RRM2: variants seen among roughly 807,000 people sequenced by gnomAD.
The protein encoded by RRM2 is ribonucleoside-diphosphate reductase subunit M2.
Under a neutral mutation model 45.9 loss-of-function variants are expected in RRM2, and 6 were observed. The observed-to-expected ratio is 0.13, with a 90% CI of 0.07 to 0.26. The LOEUF is 0.26. Ranked by LOEUF, RRM2 falls within the 10% of genes least tolerant of loss-of-function variation. The pLI is 1.00. For synonymous variants in RRM2, 177 were observed against 173.0 expected (o/e 1.02, Z -0.18); for missense variants, 343 against 489.5 (o/e 0.70, Z 2.82).
chr2:10,125,239 A>G (rs1251695302), intron 5 of RRM2, among the ~76,000 whole-genome samples: 2 of 152,224 alleles, frequency 1.3e-5, no homozygotes, highest in Admixed American at 6.5e-5. Flanking sequence ...GCAGTATAGT[A>G]TAGGCAAATA....
intron 3 of RRM2, among the ~76,000 whole-genome samples, chr2:10,149,652 C>T (rs1386426288): frequency 6.6e-6 from 1 of 152,182 alleles, no homozygotes; most frequent in Non-Finnish European, 1.5e-5. Flanking sequence ...TTTTCTTCAA[C>T]CATCTATTTG....
At chr2:10,125,626 G>A (rs11688552) in intron 5 of RRM2, among the ~76,000 whole-genome samples, 7,267 of 152,122 alleles carry the variant, frequency 0.048, 588 homozygotes, top group African/African-American at 0.17. Flanking sequence ...CCCGGGAGGC[G>A]GAGCTTGCGC....
intron 4 of RRM2, among the ~76,000 whole-genome samples, chr2:10,124,507 C>T (rs561698013): frequency 6.6e-6 from 1 of 152,272 alleles, no homozygotes; most frequent in Non-Finnish European, 1.5e-5. Flanking sequence ...GGAAATCGAG[C>T]GCTCACAAAT....
intron 3 of RRM2, among the ~76,000 whole-genome samples, chr2:10,189,255 T>C (rs1035878777): frequency 1.3e-5 from 2 of 152,236 alleles, no homozygotes; most frequent in Non-Finnish European, 2.9e-5. Context: ...CAGTGGCCCC[T>C]GCTCTTCAGG....
intron 2 of RRM2, chr2:10,141,957 A>G: frequency 6.4e-7 from 1 of 1,574,090 alleles, no homozygotes; most frequent in Non-Finnish European, 8.6e-7. Context: ...AGTGTGCGGT[A>G]AGTCAGACGG....
chr2:10,169,436 G>A lies in RRM2; in HGVS notation n.482+27061G>A, dbSNP rs1460130688. 1.3e-5 allele frequency among the ~76,000 whole-genome samples: 2 copies of A among 152,194 alleles called. No individual in the cohort carries two copies. Among genetic ancestry groups the A allele is most frequent in the Admixed American group, 6.5e-5 (1 of 15,280 alleles). On this transcript the variant is annotated intron_variant and non_coding_transcript_variant, in intron 3 of 3. Coordinates refer to the RRM2 transcript ENST00000381786. This position sits in a 1 kb window ranked among gnomAD's most constrained non-coding sequence, Gnocchi z 5.1. ...AAAAGTGCTCATAGGCGCTGTGAAG[G>A]CCTTGATGTCCTCTGGTGCCAACGC...
rs756420033 is a variant in RRM2 at position 10,204,901 on chromosome 2, C to T, written n.483-5410C>T. Among the ~76,000 whole-genome samples the T allele has an allele frequency of 6.6e-6, 1 of 152,168 alleles. No homozygotes were observed. Among genetic ancestry groups the T allele is most frequent in the African/African-American group, 2.4e-5 (1 of 41,426 alleles). ...TCGCCAAGACCAGCCAGGTGCAGAC[C>T]TTGGGTGGGTCCTATGGGGTCCTAC... On this transcript the variant is annotated intron_variant and non_coding_transcript_variant, in intron 3 of 3. Transcript: ENST00000381786. The surrounding 1 kb of genome is among the most constrained non-coding windows in gnomAD (Gnocchi z 4.0).
At chr2:10,123,304 C>T in intron 2 of RRM2, 83 bp from the exon 3 acceptor site, 2 of 1,486,088 alleles carry the variant, frequency 1.3e-6, no homozygotes, top group East Asian at 2.3e-5. Context: ...AAATTGCCGC[C>T]AATGGAAAGG....
At chr2:10,200,393 AGGGACTGCGCGCACAAAATAT>A (rs1664523131) in intron 3 of RRM2, among the ~76,000 whole-genome samples, 2 of 151,902 alleles carry the variant, frequency 1.3e-5, no homozygotes, top group South Asian at 2.1e-4. Flanking sequence ...AAACCTGCAC[AGGGACTGCGCGCACAAAATAT>A]GAGGCCCACA....
rs909227683 is a variant in RRM2 at position 10,172,000 on chromosome 2, G to T, written n.482+29625G>T. Reference sequence around the variant, plus strand: ...CTTGTTTAGAAAACCGGGCAGAGGAGCCCTGCTAGTCCAGGCCGGGCCAGC... The same window carrying T: ...CTTGTTTAGAAAACCGGGCAGAGGATCCCTGCTAGTCCAGGCCGGGCCAGC... On this transcript the variant is annotated intron_variant and non_coding_transcript_variant, in intron 3 of 3. Coordinates refer to the RRM2 transcript ENST00000381786. This position sits in a 1 kb window ranked among gnomAD's most constrained non-coding sequence, Gnocchi z 4.1. 3.9e-5 allele frequency among the ~76,000 whole-genome samples: 6 copies of T among 152,326 alleles called. No homozygotes were observed. The highest frequency in any genetic ancestry group is 1.4e-4 in the African/African-American group (6 of 41,580).
At chr2:10,190,876 T>C (rs1459518693) in intron 3 of RRM2, among the ~76,000 whole-genome samples, 1 of 152,048 alleles carries the variant, frequency 6.6e-6, no homozygotes, top group Non-Finnish European at 1.5e-5. Flanking sequence ...AGAGTGATGA[T>C]GGTGATGGTG....
intron 3 of RRM2, among the ~76,000 whole-genome samples, chr2:10,168,126 T>C (rs531990645): frequency 6.6e-6 from 1 of 151,828 alleles, no homozygotes; most frequent in Non-Finnish European, 1.5e-5. Flanking sequence ...TTAGTAGTTT[T>C]TCCTCCACTG....
chr2:10,164,011 T>C (rs917179491), intron 3 of RRM2, among the ~76,000 whole-genome samples: 5 of 134,858 alleles, frequency 3.7e-5, no homozygotes, highest in African/African-American at 5.3e-5. Context: ...AATGTGTGCG[T>C]GTGTGTGTGT....
intron 3 of RRM2, among the ~76,000 whole-genome samples, chr2:10,193,334 A>C (rs1444867654): frequency 1.3e-5 from 2 of 151,724 alleles, no homozygotes; most frequent in Non-Finnish European, 2.9e-5. Flanking sequence ...GGGCAGGGAG[A>C]CTTCTCCCTT....
At chr2:10,174,261 A>G (rs1663867299) in intron 3 of RRM2, among the ~76,000 whole-genome samples, 1 of 152,028 alleles carries the variant, frequency 6.6e-6, no homozygotes, top group South Asian at 2.1e-4. Flanking sequence ...TCTGCTGATT[A>G]CGCTTTCCTG....
chr2:10,191,552 G>GC (rs1664307487), intron 3 of RRM2, among the ~76,000 whole-genome samples: 2 of 152,154 alleles, frequency 1.3e-5, no homozygotes, highest in East Asian at 3.9e-4. Context: ...TGCACAGGCA[G>GC]AGGAGGTACC....
At position 10,142,108 on chromosome 2, in the gene RRM2, G is replaced by A. The variant is rs554183151; in HGVS notation, n.362-147G>A. ...GGAGGAAAGCATGTTTCAGGCGGAGGGTGGGCAAGCGCAAAGGCCCTGTGG... is the reference window on the plus strand; with the variant it reads ...GGAGGAAAGCATGTTTCAGGCGGAGAGTGGGCAAGCGCAAAGGCCCTGTGG... On this transcript the variant is annotated intron_variant and non_coding_transcript_variant, in intron 2 of 3. Transcript: ENST00000381786. 1.9e-6 allele frequency: 3 copies of A among 1,579,906 alleles called. No homozygotes were observed. The African/African-American group carries it at 4.0e-5, about 21-fold the overall frequency.
chr2:10,178,127 C>T lies in RRM2; in HGVS notation n.483-32184C>T, dbSNP rs1322332961. On this transcript the variant is annotated intron_variant and non_coding_transcript_variant, in intron 3 of 3. Transcript: ENST00000381786. ...ATTCGTAGTAGAGACGGGGTTTCAC[C>T]GTGTTAGCCAGGATGGTCTCAATCT... Among the ~76,000 whole-genome samples, 7 of 151,484 alleles carry T rather than the reference C, an allele frequency of 4.6e-5. No homozygotes were observed. The South Asian group carries it at 6.3e-4, about 14-fold the overall frequency.
intron 2 of RRM2, chr2:10,141,967 G>T (rs904035750): frequency 1.5e-5 from 24 of 1,572,102 alleles, no homozygotes; most frequent in South Asian, 1.2e-5. Flanking sequence ...AAGTCAGACG[G>T]TGACAAGCTC....
Sources: allele counts gnomAD v4.1 joint callset (sites outside exome capture counted in the v4.1 genomes callset), GRCh38; gene constraint gnomAD v4.1.1; non-coding constraint Gnocchi (gnomAD v3.1); transcripts MANE v1.5; gene names NCBI Gene and HGNC (gene_info 2026-07-23, HGNC 2026-07-21).